Variants in NEMP1 observed in about 807,000 individuals in gnomAD.
NEMP1 encodes nuclear envelope integral membrane protein 1, also known as transmembrane protein 194.
A neutral mutation model predicts 53.7 loss-of-function variants in NEMP1; 29 were observed. The observed-to-expected ratio is 0.54, with a 90% confidence interval of 0.40 to 0.74. NEMP1 has a LOEUF of 0.74. Among genes scored for constraint, NEMP1 ranks in the 30% least tolerant of loss-of-function variants. NEMP1 has a pLI of 0.00. For missense variants in NEMP1, 477 were observed against 528.6 expected (o/e 0.90, Z 0.96); for synonymous variants, 193 against 192.9 (o/e 1.00, Z 0.00).
intron 4 of NEMP1, among the ~76,000 whole-genome samples, chr12:57,067,406 A>G (rs2032143058): frequency 6.6e-6 from 1 of 152,220 alleles, no homozygotes; most frequent in Non-Finnish European, 1.5e-5. Flanking sequence ...AGCAGCATCA[A>G]AGATCACTGA....
upstream of NEMP1, among the ~76,000 whole-genome samples, chr12:57,082,297 T>C (rs757534894): frequency 6.6e-6 from 1 of 152,242 alleles, no homozygotes; most frequent in Non-Finnish European, 1.5e-5. Context: ...GTTTCAATAC[T>C]GTTTCATTAA....
intron 1 of NEMP1, 40 bp from the exon 2 acceptor site, chr12:57,072,952 G>T: frequency 6.4e-7 from 1 of 1,562,812 alleles, no homozygotes; most frequent in Non-Finnish European, 8.7e-7. Flanking sequence ...AACATAACAA[G>T]CTAATAACTA....
At chr12:57,077,031 A>G (rs2032657471) in intron 1 of NEMP1, among the ~76,000 whole-genome samples, 1 of 151,926 alleles carries the variant, frequency 6.6e-6, no homozygotes, top group African/African-American at 2.4e-5. Flanking sequence ...AAGTAAGACA[A>G]CATTTACAAA....
intron 6 of NEMP1, among the ~76,000 whole-genome samples, chr12:57,063,721 G>A (rs2031932170): frequency 1.3e-5 from 2 of 152,130 alleles, no homozygotes; most frequent in African/African-American, 4.8e-5. Context: ...AAATGAAGGA[G>A]AAAAAAATTA....
At chr12:57,076,635 G>A (rs190388756) in intron 1 of NEMP1, among the ~76,000 whole-genome samples, 84 of 149,784 alleles carry the variant, frequency 5.6e-4, no homozygotes, top group Admixed American at 4.1e-3. Flanking sequence ...GTGAAACCCC[G>A]TCTGTACAAA....
chr12:57,078,750 G>A lies in NEMP1; in HGVS notation c.-5C>T. 1.2e-6 allele frequency: 2 copies of A among 1,609,402 alleles called. No individual in the cohort carries two copies. Among genetic ancestry groups the A allele is most frequent in the South Asian group, 1.1e-5 (1 of 90,732 alleles). On this transcript the variant is annotated 5_prime_UTR_variant, in exon 1 of 9. Transcript: ENST00000300128. ...CACTTTCATTCCTCCCGCCATGGTT[G>A]CCTCAAGCCACCTCCTCCTCACGTG...
upstream of NEMP1, among the ~76,000 whole-genome samples, chr12:57,088,298 T>G (rs916148382): frequency 6.6e-6 from 1 of 152,150 alleles, no homozygotes; most frequent in Non-Finnish European, 1.5e-5. Flanking sequence ...CATTCCTGTT[T>G]CCCAAACTTT....
At chr12:57,077,193 G>A (rs561326455) in intron 1 of NEMP1, among the ~76,000 whole-genome samples, 3 of 151,864 alleles carry the variant, frequency 2.0e-5, no homozygotes, top group South Asian at 4.2e-4. Context: ...TTAGCCGGGC[G>A]TGGTGGTGGG....
chr12:57,063,942 T>C (rs1379098863), intron 6 of NEMP1, 129 bp downstream of exon 6: 1 of 578,404 alleles, frequency 1.7e-6, no homozygotes, highest in Non-Finnish European at 3.0e-6. Context: ...TGAAAAACTA[T>C]GATTTTTAAA....
intron 1 of NEMP1, among the ~76,000 whole-genome samples, chr12:57,076,410 T>C (rs1437153639): frequency 6.6e-6 from 1 of 152,108 alleles, no homozygotes; most frequent in Non-Finnish European, 1.5e-5. Context: ...ACGCCTGTAA[T>C]CCCAGTACTT....
At chr12:57,061,414 C>A (rs982570748) in intron 7 of NEMP1, among the ~76,000 whole-genome samples, 5 of 152,160 alleles carry the variant, frequency 3.3e-5, no homozygotes, top group Non-Finnish European at 7.3e-5. Context: ...GTGGTTCTAG[C>A]CAGGCACAGT....
intron 1 of NEMP1, among the ~76,000 whole-genome samples, chr12:57,087,328 G>A (rs2033033326): frequency 6.6e-6 from 1 of 152,100 alleles, no homozygotes; most frequent in Non-Finnish European, 1.5e-5. Flanking sequence ...GGGGCGCCTC[G>A]AGCAGAGGCT....
chr12:57,065,583 G>A (rs555952381), intron 4 of NEMP1, among the ~76,000 whole-genome samples: 4 of 149,622 alleles, frequency 2.7e-5, no homozygotes, highest in East Asian at 2.0e-4. Context: ...GTGCGATGGC[G>A]TCATCATGGC....
Position 57,065,806 on chromosome 12 carries a change from T to C in NEMP1, c.546-1067A>G, listed in dbSNP as rs1364524395. Among the ~76,000 whole-genome samples, 3 of 151,806 alleles carry C rather than the reference T, an allele frequency of 2.0e-5. No homozygotes were observed. The East Asian group carries it at 5.9e-4, about 30-fold the overall frequency. On this transcript the variant is annotated intron_variant, in intron 4 of 8. Coordinates refer to ENST00000300128, the MANE Select transcript of NEMP1 (RefSeq NM_001130963.2). ...CTGAGCCACCACGCCTAGCCTACCT[T>C]GCACTTATGTAATAAGACAGCTTCT...
At chr12:57,088,484 C>T (rs1215402211), upstream of NEMP1, among the ~76,000 whole-genome samples, 1 of 152,202 alleles carries the variant, frequency 6.6e-6, no homozygotes, top group African/African-American at 2.4e-5. Flanking sequence ...GCCGCACAGC[C>T]CAGCCTTCGC....
chr12:57,075,442 C>A (rs2032561667), intron 1 of NEMP1, among the ~76,000 whole-genome samples: 2 of 148,832 alleles, frequency 1.3e-5, no homozygotes, highest in Admixed American at 1.3e-4. Flanking sequence ...TAGTTGGGAG[C>A]CAAGATCACA....
At chr12:57,087,288 C>T (rs2136535305) in intron 1 of NEMP1, among the ~76,000 whole-genome samples, 1 of 151,978 alleles carries the variant, frequency 6.6e-6, no homozygotes, top group African/African-American at 2.4e-5. Context: ...GGCTCAGCGC[C>T]GCCCCAAGGG....
intron 1 of NEMP1, among the ~76,000 whole-genome samples, chr12:57,075,038 G>T (rs1050703332): frequency 6.6e-6 from 1 of 151,340 alleles, no homozygotes; most frequent in Non-Finnish European, 1.5e-5. Flanking sequence ...GCAGTGAGCC[G>T]AGATCGCGCC....
At position 57,078,773 on chromosome 12, in the gene NEMP1, G is replaced by T. The variant is rs1293698235; in HGVS notation, c.-28C>A. ...TTGCCTCAAGCCACCTCCTCCTCAC[G>T]TGCCTTACCCCAGCAACTAACTCCG... On this transcript the variant is annotated 5_prime_UTR_variant, in exon 1 of 9. Coordinates refer to ENST00000300128, the MANE Select transcript of NEMP1 (RefSeq NM_001130963.2). 5.6e-6 allele frequency: 9 copies of T among 1,597,748 alleles called. No homozygotes were observed. Among genetic ancestry groups the T allele is most frequent in the Non-Finnish European group, 7.7e-6 (9 of 1,169,626 alleles).
Sources: allele counts gnomAD v4.1 joint callset (sites outside exome capture counted in the v4.1 genomes callset), GRCh38; gene constraint gnomAD v4.1.1; transcripts MANE v1.5; gene names NCBI Gene and HGNC (gene_info 2026-07-23, HGNC 2026-07-21).